ADGRF5: variants seen among roughly 807,000 people sequenced by gnomAD.
ADGRF5 encodes the protein G-protein coupled receptor 116.
ADGRF5 carries 75 observed loss-of-function variants against 132.3 expected under a neutral mutation model. That is an observed-to-expected ratio of 0.57 (90% CI 0.47 to 0.69). ADGRF5 has a LOEUF of 0.69. ADGRF5 is among the 30% of genes least tolerant of loss of function. The pLI, the probability that ADGRF5 is intolerant of heterozygous loss-of-function variation, is 0.00. For synonymous variants in ADGRF5, 629 were observed against 597.6 expected (o/e 1.05, Z -0.77); for missense variants, 1,516 against 1,630.6 (o/e 0.93, Z 1.21).
intron 1 of ADGRF5, among the ~76,000 whole-genome samples, chr6:46,936,939 C>A (rs778040084): frequency 6.6e-6 from 1 of 152,198 alleles, no homozygotes; most frequent in Non-Finnish European, 1.5e-5. Context: ...TCCCCCTCTC[C>A]CATAGCCACA....
intron 11 of ADGRF5, 153 bp from the exon 12 acceptor site, chr6:46,869,245 A>G (rs1770790733): frequency 6.8e-7 from 1 of 1,467,296 alleles, no homozygotes; most frequent in South Asian, 1.5e-5. Flanking sequence ...TAGAATTGGT[A>G]CCTTGCTGCT....
At chr6:46,866,435 A>C (rs763699046) in intron 13 of ADGRF5, among the ~76,000 whole-genome samples, 11 of 152,044 alleles carry the variant, frequency 7.2e-5, no homozygotes, top group Non-Finnish European at 1.3e-4. Flanking sequence ...TTAAAACCCA[A>C]GGTTCTGGGT....
At chr6:46,866,267 G>A (rs1340975764) in intron 13 of ADGRF5, among the ~76,000 whole-genome samples, 2 of 152,064 alleles carry the variant, frequency 1.3e-5, no homozygotes, top group Non-Finnish European at 2.9e-5. Flanking sequence ...CAGAGATGAG[G>A]CCAAGGTCTC....
At chr6:46,882,020 T>C (rs1225722301) in intron 7 of ADGRF5, 29 bp downstream of exon 7, 1 of 1,511,128 alleles carries the variant, frequency 6.6e-7, no homozygotes, top group East Asian at 2.3e-5. Context: ...AGCCATAAAT[T>C]AGAAATGATC....
In ADGRF5 at chr6:46,862,621, G is replaced by A. The variant is rs1334963573; in HGVS notation, c.2199+267C>T. On this transcript the variant is annotated intron_variant, in intron 15 of 20. Coordinates refer to ENST00000283296, the MANE Select transcript of ADGRF5 (RefSeq NM_001098518.2). ...TGCCCCCTGGAGGTATGGAACACAT[G>A]GTACTGAGAAGTCAAGGTTAAGGTA... 2.7e-5 allele frequency among the ~76,000 whole-genome samples: 4 copies of A among 147,552 alleles called. No individual in the cohort carries two copies. In the Admixed American group the frequency reaches 2.8e-4, roughly 10 times the overall value.
In ADGRF5 at chr6:46,856,041, T is replaced by C; in HGVS notation, c.3894A>G (p.Ser1298=). The change falls in exon 20 of 21, where the codon TCA becomes TCG. Residue 1298 remains serine, a synonymous_variant. Coordinates refer to ENST00000283296, the MANE Select transcript of ADGRF5 (RefSeq NM_001098518.2). ...SQHSKSTSLG[S]STPVFSMSSP... The stretch of plus-strand genomic sequence containing the variant: ...AACTCATAGAAAACACAGGTGTGGA[T>C]GAACCCAGGGATGTTGACTAGAAGA... 8.8e-6 allele frequency: 14 copies of C among 1,590,836 alleles called. No homozygotes were observed. Among genetic ancestry groups the C allele is most frequent in the Non-Finnish European group, 1.2e-5 (14 of 1,164,290 alleles).
Position 46,871,846 on chromosome 6 carries a change from C to T in ADGRF5, c.1408G>A (p.Val470Met). 1.9e-6 allele frequency: 3 copies of T among 1,591,386 alleles called. No homozygotes were observed. Among genetic ancestry groups the T allele is most frequent in the Non-Finnish European group, 2.6e-6 (3 of 1,162,702 alleles). The change falls in exon 11 of 21, where the codon GTG becomes ATG. Residue 470 changes from valine (V) to methionine (M), a missense_variant. Physicochemically the swap from Val to Met is conservative, Grantham distance 21. Transcript: ENST00000283296. ...AAATGCTAGGGAGAGTCCTTACCCA[C>T]AGAGATGAATGTCACTTTTATGTTT... ...SANIKVTFISVANLTITPDPI... is the reference protein window; with the variant it reads ...SANIKVTFISMANLTITPDPI...
chr6:46,868,826 TA>T (rs1403008588), intron 12 of ADGRF5, 56 bp downstream of exon 12: 11 of 1,077,858 alleles, frequency 1.0e-5, no homozygotes, highest in Non-Finnish European at 1.5e-5. Flanking sequence ...TGGTAACTAT[TA>T]TTGCATGTTT....
Position 46,858,690 on chromosome 6 carries a change from G to C in ADGRF5, c.3213C>G (p.Val1071=). The change falls in exon 17 of 21, where the codon GTC becomes GTG. Residue 1071 remains valine, a synonymous_variant. Coordinates refer to ENST00000283296, the MANE Select transcript of ADGRF5 (RefSeq NM_001098518.2). The part of the protein sequence containing the change: ...LLVANTWFIV[V]AAIQDNRYIL... ...TGTAGCGATTGTCCTGGATGGCAGC[G>C]ACCACAATGAACCAGGTGTTGGCGA... is the stretch of plus-strand genomic sequence containing the variant. 2 of 1,614,094 alleles carry C rather than the reference G, an allele frequency of 1.2e-6. No individual in the cohort carries two copies. Among genetic ancestry groups the C allele is most frequent in the Non-Finnish European group, 1.7e-6 (2 of 1,180,008 alleles).
rs564850617 is a variant in ADGRF5, at chr6:46,862,712, T to G, written c.2199+176A>C. Among the ~76,000 whole-genome samples the G allele has an allele frequency of 8.8e-4, 122 of 139,386 alleles. 3 individuals carry two copies. The highest frequency in any genetic ancestry group is 3.2e-3 in the African/African-American group (120 of 37,342). The allele number at this position is 139,386 out of a possible 152,430, so 91.4% of individuals were successfully genotyped here. A position where few individuals can be genotyped will look rare whatever the true frequency, so the allele number is the denominator to read the frequency against. On this transcript the variant is annotated intron_variant, in intron 15 of 20. Coordinates refer to ENST00000283296, the MANE Select transcript of ADGRF5 (RefSeq NM_001098518.2). Reference sequence around the variant, plus strand: ...AGTATTTGAATTGAGGCTTTTTTTTTTTTTTTTTTTTTTTTTTGCATTTCT... The same window carrying G: ...AGTATTTGAATTGAGGCTTTTTTTTGTTTTTTTTTTTTTTTTTGCATTTCT...
At chr6:46,894,916 C>T (rs752130168) in intron 3 of ADGRF5, among the ~76,000 whole-genome samples, 4 of 152,298 alleles carry the variant, frequency 2.6e-5, no homozygotes, top group East Asian at 1.9e-4. Flanking sequence ...TGGAGGCTTA[C>T]GCCTGTAATA....
At chr6:46,884,485 C>T (rs776194193) in intron 4 of ADGRF5, among the ~76,000 whole-genome samples, 22 of 152,200 alleles carry the variant, frequency 1.4e-4, no homozygotes, top group Non-Finnish European at 2.6e-4. Context: ...ACTGCTGTGA[C>T]GGTTGAGTGA....
chr6:46,857,274 G>A (rs1268117630), intron 17 of ADGRF5, among the ~76,000 whole-genome samples: 1 of 152,170 alleles, frequency 6.6e-6, no homozygotes, highest in African/African-American at 2.4e-5. Context: ...ATATCATGAA[G>A]GTCATTACAT....
chr6:46,885,990 G>C (rs961094285), intron 4 of ADGRF5, among the ~76,000 whole-genome samples: 1 of 152,212 alleles, frequency 6.6e-6, no homozygotes, highest in Non-Finnish European at 1.5e-5. Flanking sequence ...CAAATGTAGA[G>C]TGCAAGTAAA....
chr6:46,866,432 C>T (rs1179766166), intron 13 of ADGRF5, among the ~76,000 whole-genome samples: 1 of 152,070 alleles, frequency 6.6e-6, no homozygotes, highest in Non-Finnish European at 1.5e-5. Flanking sequence ...GCCTTAAAAC[C>T]CAAGGTTCTG....
intron 3 of ADGRF5, among the ~76,000 whole-genome samples, chr6:46,895,328 A>G (rs1774063856): frequency 6.6e-6 from 1 of 152,050 alleles, no homozygotes; most frequent in Non-Finnish European, 1.5e-5. Context: ...AACTCCACAC[A>G]CCAGCCTGAA....
upstream of ADGRF5, among the ~76,000 whole-genome samples, chr6:46,924,283 T>G (rs1211553770): frequency 6.6e-6 from 1 of 152,222 alleles, no homozygotes; most frequent in Non-Finnish European, 1.5e-5. Context: ...ATGCATGTCT[T>G]TTTGAAGTTA....
In ADGRF5 at chr6:46,860,682, CCCAAAACTCCTGCAAA is replaced by C; in HGVS notation, c.2379+17_2379+32del. ...AATTCTGAGGGGTGAAAAGGTAAGA[CCCAAAACTCCTGCAAA>C]GGTTAAGCAAACTCACCGTCATCAT... is the stretch of plus-strand genomic sequence containing the variant. On this transcript the variant is annotated intron_variant, in intron 16 of 20. Coordinates refer to ENST00000283296, the MANE Select transcript of ADGRF5 (RefSeq NM_001098518.2). The C allele has an allele frequency of 6.4e-7, 1 of 1,558,056 alleles. No individual in the cohort carries two copies. The highest frequency in any genetic ancestry group is 8.8e-7 in the Non-Finnish European group (1 of 1,134,404).
intron 11 of ADGRF5, among the ~76,000 whole-genome samples, chr6:46,871,481 G>C (rs1455915596): frequency 6.6e-6 from 1 of 152,018 alleles, no homozygotes; most frequent in Non-Finnish European, 1.5e-5. Context: ...GAAGTAATGA[G>C]GGAAAAGGGG....
Sources: allele counts gnomAD v4.1 joint callset (sites outside exome capture counted in the v4.1 genomes callset), GRCh38; gene constraint gnomAD v4.1.1; transcripts MANE v1.5; gene names NCBI Gene and HGNC (gene_info 2026-07-23, HGNC 2026-07-21).